Variants in STAB1 observed in about 807,000 individuals in gnomAD.
STAB1 encodes the protein stabilin-1.
In STAB1, 250 loss-of-function variants were observed where a neutral mutation model predicts 332.4. The ratio of observed to expected loss-of-function variants is 0.75; its 90% CI spans 0.68 to 0.84. The LOEUF (loss-of-function observed/expected upper bound fraction) is 0.84, where lower values mean the gene tolerates loss of function less well. Ranked by LOEUF, STAB1 falls within the 40% of genes least tolerant of loss-of-function variation. The pLI, the probability that STAB1 is intolerant of heterozygous loss-of-function variation, is 0.00. For missense variants in STAB1, 3,249 were observed against 3,489.7 expected (o/e 0.93, Z 1.74); for synonymous variants, 1,475 against 1,390.4 (o/e 1.06, Z -1.35).
At chr3:52,522,296 G>C (rs557871700) in intron 59 of STAB1, 34 bp from the exon 60 acceptor site, 8 of 1,612,082 alleles carry the variant, frequency 5.0e-6, no homozygotes, top group Non-Finnish European at 6.8e-6. Flanking sequence ...ACCTCTGAAG[G>C]GTGAAGGGCG....
intron 7 of STAB1, 40 bp downstream of exon 7, chr3:52,503,149 C>A: frequency 9.6e-6 from 9 of 934,844 alleles, no homozygotes; most frequent in African/African-American, 1.7e-5. Context: ...CAGCTCAGGG[C>A]GGGCGGGGGC....
chr3:52,505,135 G>A lies in STAB1; in HGVS notation c.1510G>A (p.Asp504Asn), dbSNP rs1303207985. ...RWQAPSGTPG[D>N]PKRTIGQILA... The stretch of plus-strand genomic sequence containing the variant: ...GCAGGCCCCCTCTGGGACCCCTGGG[G>A]ATCCCAAGGTGAGCCAGCATCCTCC... The change falls in exon 13 of 69, where the codon GAT becomes AAT. Residue 504 changes from aspartate to asparagine, a missense_variant. By Grantham distance (23) the Asp-to-Asn change is conservative. Coordinates refer to ENST00000321725, the MANE Select transcript of STAB1 (RefSeq NM_015136.3). 5 of 1,612,854 alleles carry A rather than the reference G, an allele frequency of 3.1e-6. No homozygotes were observed. The East Asian group carries it at 8.9e-5, about 29-fold the overall frequency.
chr3:52,517,036 T>C lies in STAB1; in HGVS notation c.4416T>C (p.Cys1472=). The C allele has an allele frequency of 6.2e-7, 1 of 1,606,446 alleles. No individual in the cohort carries two copies. The highest frequency in any genetic ancestry group is 8.5e-7 in the Non-Finnish European group (1 of 1,176,702). ...GHGGCSPHAN[C]TKVAPGQRTC... ...GGGGCTGCTCCCCTCATGCCAACTG[T>C]ACCAAGGTGGCACCTGGGCAGCGGA... is the stretch of plus-strand genomic sequence containing the variant. The change falls in exon 42 of 69, where the codon TGT becomes TGC. Residue 1472 remains cysteine (C), a synonymous_variant. Coordinates refer to ENST00000321725, the MANE Select transcript of STAB1 (RefSeq NM_015136.3).
Position 52,523,709 on chromosome 3 carries a change from G to T in STAB1, c.7348G>T (p.Gly2450Cys). The T allele has an allele frequency of 6.2e-7, 1 of 1,610,282 alleles. No homozygotes were observed. The highest frequency in any genetic ancestry group is 8.5e-7 in the Non-Finnish European group (1 of 1,177,810). ...IIVWDIMAFNGIIHALASPLL... is the reference protein window; with the variant it reads ...IIVWDIMAFNCIIHALASPLL... ...TGTGTGGGACATCATGGCCTTCAAT[G>T]GCATCATCCATGCTCTGGCCAGCCC... is the stretch of plus-strand genomic sequence containing the variant. The change falls in exon 66 of 69, where the codon GGC (glycine) becomes TGC (cysteine). Residue 2450 changes from glycine to cysteine, a missense_variant. Coordinates refer to ENST00000321725, the MANE Select transcript of STAB1 (RefSeq NM_015136.3).
At position 52,512,647 on chromosome 3, in the gene STAB1, G is replaced by A; in HGVS notation, c.3027+4G>A. ...CATCTTCTACCAATGGCTTAAGGTAGGACAGGGCAGAATGCTGGGGTTGAG... is the reference window on the plus strand; with the variant it reads ...CATCTTCTACCAATGGCTTAAGGTAAGACAGGGCAGAATGCTGGGGTTGAG... On this transcript the variant is annotated splice_donor_region_variant and intron_variant, in intron 28 of 68. Transcript: ENST00000321725. 2 of 1,613,718 alleles carry A rather than the reference G, an allele frequency of 1.2e-6. No homozygotes were observed. The highest frequency in any genetic ancestry group is 1.7e-6 in the Non-Finnish European group (2 of 1,180,016).
At position 52,520,075 on chromosome 3, in the gene STAB1, C is replaced by T. The variant is rs2079021704; in HGVS notation, c.5367C>T (p.Asp1789=). ...QAWLYHEDHR[D]KLAAILRGHM... Reference sequence around the variant, plus strand: ...GGCTGTACCATGAGGACCACCGTGACAAGCTAGCAGCCATTCTGCGGGGCC... The same window carrying T: ...GGCTGTACCATGAGGACCACCGTGATAAGCTAGCAGCCATTCTGCGGGGCC... Residue 1789 remains aspartate, a synonymous_variant, in exon 51 of 69, where the codon GAC becomes GAT. Coordinates refer to ENST00000321725, the MANE Select transcript of STAB1 (RefSeq NM_015136.3). 3.1e-6 allele frequency: 5 copies of T among 1,612,220 alleles called. No individual in the cohort carries two copies. The highest frequency in any genetic ancestry group is 4.2e-6 in the Non-Finnish European group (5 of 1,179,560).
chr3:52,511,628 C>T (rs767171680), intron 25 of STAB1, 22 bp from the exon 26 acceptor site: 18 of 1,594,730 alleles, frequency 1.1e-5, no homozygotes, highest in Admixed American at 3.4e-5. Flanking sequence ...GAGACAAGGC[C>T]GTCTGTTCCT....
chr3:52,515,589 G>T lies in STAB1; in HGVS notation c.3948+83G>T, dbSNP rs1575344737. On this transcript the variant is annotated intron_variant, in intron 37 of 68. Transcript: ENST00000321725. ...GGGGGCCCAGGGAGGAGCCCAGTTTGGATCTTAAGGACAGAGACTGGGCTG... is the reference window on the plus strand; with the variant it reads ...GGGGGCCCAGGGAGGAGCCCAGTTTTGATCTTAAGGACAGAGACTGGGCTG... The T allele has an allele frequency of 2.0e-5, 29 of 1,426,360 alleles. No homozygotes were observed. In the East Asian group the frequency reaches 5.5e-4, roughly 27 times the overall value. 88.4% of individuals were successfully genotyped at this position (1,426,360 alleles called of 1,614,324 possible).
intron 1 of STAB1, among the ~76,000 whole-genome samples, chr3:52,496,759 G>A (rs975733837): frequency 1.3e-5 from 2 of 152,172 alleles, no homozygotes; most frequent in Non-Finnish European, 2.9e-5. Context: ...GGTCAGTGAG[G>A]GGCCTCAGAT....
rs1451486961 is a variant in STAB1 at position 52,507,573 on chromosome 3, T to C, written c.1990-40T>C. On this transcript the variant is annotated intron_variant, in intron 18 of 68. Coordinates refer to ENST00000321725, the MANE Select transcript of STAB1 (RefSeq NM_015136.3). ...CTGGGTTTGCCGAGTAAATAAACAA[T>C]GACTAACCCCTCTCCCCATCCTGCC... The C allele has an allele frequency of 2.5e-6, 4 of 1,593,510 alleles. No individual in the cohort carries two copies. In the Admixed American group the frequency reaches 5.2e-5, roughly 21 times the overall value.
At chr3:52,506,357 C>A in intron 17 of STAB1, 107 bp downstream of exon 17, 1 of 1,046,264 alleles carries the variant, frequency 9.6e-7, no homozygotes, top group Non-Finnish European at 1.4e-6. Context: ...CAGGACACTG[C>A]TAGGCCATGG....
At chr3:52,515,356 T>G in intron 36 of STAB1, 67 bp from the exon 37 acceptor site, 1 of 1,471,554 alleles carries the variant, frequency 6.8e-7, no homozygotes, top group Admixed American at 1.7e-5. Flanking sequence ...TCTGTCTGTC[T>G]CCCCATTCAC....
intron 15 of STAB1, 29 bp from the exon 16 acceptor site, chr3:52,505,854 G>A: frequency 6.2e-7 from 1 of 1,614,030 alleles, no homozygotes. Flanking sequence ...AGTTCCTCCA[G>A]GAGCCAAACC....
rs1483992494 is a variant in STAB1 at position 52,522,695 on chromosome 3, G to A, written c.6744+7G>A. On this transcript the variant is annotated splice_region_variant and intron_variant, in intron 61 of 68. Coordinates refer to ENST00000321725, the MANE Select transcript of STAB1 (RefSeq NM_015136.3). ...GCTCTCTGCTGCCCAGCAGGTGTGT[G>A]GGGCCCAGAAGTTGGGGCCAAGTGT... is the stretch of plus-strand genomic sequence containing the variant. 1 of 1,612,952 alleles carries A rather than the reference G, an allele frequency of 6.2e-7. No individual in the cohort carries two copies. The highest frequency in any genetic ancestry group is 8.5e-7 in the Non-Finnish European group (1 of 1,180,018).
chr3:52,503,719 A>C (rs1462191498), intron 8 of STAB1, 53 bp from the exon 9 acceptor site: 1 of 1,609,098 alleles, frequency 6.2e-7, no homozygotes, highest in East Asian at 2.2e-5. Flanking sequence ...GGCAGACACC[A>C]GTGGTTCTTG....
intron 48 of STAB1, 139 bp downstream of exon 48, chr3:52,519,008 G>C: frequency 8.8e-7 from 1 of 1,139,568 alleles, no homozygotes; most frequent in Non-Finnish European, 1.2e-6. Flanking sequence ...AGTCCAGCCC[G>C]GGACTCCGCC....
Position 52,519,400 on chromosome 3 carries a change from C to T in STAB1, c.5171C>T (p.Pro1724Leu), listed in dbSNP as rs1236445778. Residue 1724 changes from proline to leucine, a missense_variant, in exon 49 of 69, where the codon CCG (proline) becomes CTG (leucine). Coordinates refer to ENST00000321725, the MANE Select transcript of STAB1 (RefSeq NM_015136.3). ...TGGGAGCCTGATGATGCTCCCATCC[C>T]GAGGGTATGACAAGCACGGGCCTGG... Reference protein sequence around the residue: ...LHWEPDDAPIPRRNVTAAAQG... With the variant: ...LHWEPDDAPILRRNVTAAAQG... 3 of 1,612,996 alleles carry T rather than the reference C, an allele frequency of 1.9e-6. No individual in the cohort carries two copies. The highest frequency in any genetic ancestry group is 1.1e-5 in the South Asian group (1 of 91,062).
chr3:52,501,018 C>A, intron 1 of STAB1, 148 bp from the exon 2 acceptor site: 2 of 1,177,766 alleles, frequency 1.7e-6, no homozygotes, highest in Non-Finnish European at 2.4e-6. Context: ...AAGAACTCAG[C>A]TCTGTGCCCA....
chr3:52,514,205 A>C lies in STAB1; in HGVS notation c.3538A>C (p.Ser1180Arg). 1 of 1,613,138 alleles carries C rather than the reference A, an allele frequency of 6.2e-7. No individual in the cohort carries two copies. Residue 1180 changes from serine (S) to arginine (R), a missense_variant, in exon 33 of 69, where the codon AGT becomes CGT. Physicochemically the swap from Ser to Arg is moderately radical, Grantham distance 110. Coordinates refer to ENST00000321725, the MANE Select transcript of STAB1 (RefSeq NM_015136.3). ...NRSLEAQGNS[S>R]HLDADTVRHH... Reference sequence around the variant, plus strand: ...CTCCCTGGAGGCCCAGGGCAACAGCAGTCACCTGGTGAGGCCGTGGGGATG... The same window carrying C: ...CTCCCTGGAGGCCCAGGGCAACAGCCGTCACCTGGTGAGGCCGTGGGGATG...
Sources: gnomAD v4.1 joint callset for allele counts (sites outside exome capture counted in the v4.1 genomes callset) on GRCh38, gnomAD v4.1.1 for gene constraint, MANE v1.5 for transcripts, NCBI Gene and HGNC (gene_info 2026-07-23, HGNC 2026-07-21) for gene names.